Variants in NDUFAB1 observed in about 807,000 individuals in gnomAD.
The protein encoded by NDUFAB1 is acyl carrier protein, mitochondrial.
A neutral mutation model predicts 16.1 loss-of-function variants in NDUFAB1; 5 were observed. The ratio of observed to expected loss-of-function variants is 0.31; its 90% confidence interval spans 0.16 to 0.65. NDUFAB1 has a LOEUF of 0.65. Ranked by LOEUF, NDUFAB1 falls within the 30% of genes least tolerant of loss-of-function variation. The pLI is 0.77. For missense variants in NDUFAB1, 187 were observed against 205.3 expected (o/e 0.91, Z 0.54); for synonymous variants, 85 against 78.4 (o/e 1.08, Z -0.44).
chr16:23,586,482 C>A (rs113035256), intron 2 of NDUFAB1, among the ~76,000 whole-genome samples: 1,979 of 148,754 alleles, frequency 0.013, 19 homozygotes, highest in South Asian at 0.021. Context: ...TTACAGGTGT[C>A]TGCCACCACG....
chr16:23,586,882 A>G (rs535030353), intron 2 of NDUFAB1, among the ~76,000 whole-genome samples: 3 of 143,814 alleles, frequency 2.1e-5, no homozygotes, highest in Non-Finnish European at 4.6e-5. Flanking sequence ...TCCCGACCTC[A>G]GGTGATCCGC....
intron 3 of NDUFAB1, among the ~76,000 whole-genome samples, chr16:23,582,966 G>A (rs924351610): frequency 3.3e-5 from 5 of 152,352 alleles, no homozygotes; most frequent in South Asian, 2.1e-4. Context: ...GCAGGCACGC[G>A]CCGCCACGCC....
Position 23,587,314 on chromosome 16 carries a change from A to G in NDUFAB1, c.174T>C (p.Pro58=). 6.2e-7 allele frequency: 1 copy of G among 1,613,122 alleles called. No homozygotes were observed. The highest frequency in any genetic ancestry group is 8.5e-7 in the Non-Finnish European group (1 of 1,179,672). ...GGCGGCACAACTGTGTAACTCTACCAGGAACCTAGAGCGACGGCAGGAAGG... is the reference window on the plus strand; with the variant it reads ...GGCGGCACAACTGTGTAACTCTACCGGGAACCTAGAGCGACGGCAGGAAGG... ...LQPALVLAQV[P]GRVTQLCRQY... The change falls in exon 2 of 5, where the codon CCT becomes CCC. Residue 58 remains proline, a synonymous_variant. Coordinates refer to ENST00000007516, the MANE Select transcript of NDUFAB1 (RefSeq NM_005003.3).
chr16:23,588,468 G>C (rs376562046), intron 1 of NDUFAB1, among the ~76,000 whole-genome samples: 3 of 151,838 alleles, frequency 2.0e-5, no homozygotes, highest in Admixed American at 1.3e-4. Context: ...AAAAGAAAAA[G>C]AAAGAAATCC....
chr16:23,593,957 T>C (rs767156139), intron 1 of NDUFAB1, among the ~76,000 whole-genome samples: 1 of 152,050 alleles, frequency 6.6e-6, no homozygotes, highest in Non-Finnish European at 1.5e-5. Flanking sequence ...CTCGGCTCAC[T>C]GAAAGCTCTG....
intron 1 of NDUFAB1, chr16:23,590,857 G>A (rs1375400421): frequency 2.0e-5 from 3 of 152,048 alleles, no homozygotes; most frequent in African/African-American, 4.8e-5. Context: ...GGCTGGTCCT[G>A]AACTCCTGGT....
intron 1 of NDUFAB1, among the ~76,000 whole-genome samples, chr16:23,589,452 G>A (rs955526248): frequency 2.0e-5 from 3 of 152,172 alleles, no homozygotes; most frequent in African/African-American, 7.2e-5. Flanking sequence ...ATTATACATG[G>A]GTTAAGGAGA....
chr16:23,589,926 ACT>A (rs1292666134), intron 1 of NDUFAB1, among the ~76,000 whole-genome samples: 101 of 123,822 alleles, frequency 8.2e-4, no homozygotes, highest in African/African-American at 2.4e-3. Flanking sequence ...GCAGGGTGAG[ACT>A]CTGTCTCCAA....
chr16:23,596,168 G>A lies in NDUFAB1; in HGVS notation c.123C>T (p.Thr41=). 6.2e-7 allele frequency: 1 copy of A among 1,611,040 alleles called. No homozygotes were observed. Among genetic ancestry groups the A allele is most frequent in the Non-Finnish European group, 8.5e-7 (1 of 1,178,922 alleles). The change falls in exon 1 of 5, where the codon ACC becomes ACT. Residue 41 remains threonine, a synonymous_variant. Coordinates refer to ENST00000007516, the MANE Select transcript of NDUFAB1 (RefSeq NM_005003.3). ...PLSTALCSAG[T]QTRLGTLQPA... is the part of the protein sequence containing the mutation. ...GCTGCAAAGTCCCGAGCCTCGTCTGGGTCCCCGCGGAGCAGAGAGCGGTGC... is the reference window on the plus strand; with the variant it reads ...GCTGCAAAGTCCCGAGCCTCGTCTGAGTCCCCGCGGAGCAGAGAGCGGTGC...
intron 3 of NDUFAB1, among the ~76,000 whole-genome samples, chr16:23,584,841 C>A (rs557259522): frequency 9.1e-4 from 138 of 152,344 alleles, no homozygotes; most frequent in African/African-American, 3.2e-3. Context: ...AGCCATGGAA[C>A]CTTATAAAGG....
intron 1 of NDUFAB1, among the ~76,000 whole-genome samples, chr16:23,594,047 A>T (rs1966302144): frequency 1.3e-5 from 2 of 151,388 alleles, no homozygotes; most frequent in Admixed American, 1.3e-4. Flanking sequence ...CGCCCGGCTA[A>T]TTATTTTGTA....
rs1013903646 is a variant in NDUFAB1 at position 23,582,195 on chromosome 16, T to C, written c.*8+81A>G. 3.7e-6 allele frequency: 5 copies of C among 1,348,100 alleles called. No individual in the cohort carries two copies. The African/African-American group carries it at 7.6e-5, about 21-fold the overall frequency. The allele number at this position is 1,348,100 out of a possible 1,614,324, so 83.5% of individuals were successfully genotyped here. A position where few individuals can be genotyped will look rare whatever the true frequency, so the allele number is the denominator to read the frequency against. ...AAAAATCTTGGTCAAGCATTTCCAT[T>C]TTCTGTTTCTTCTTAAGTTTCCTTT... On this transcript the variant is annotated intron_variant, in intron 4 of 4. Coordinates refer to ENST00000007516, the MANE Select transcript of NDUFAB1 (RefSeq NM_005003.3).
chr16:23,584,272 A>AAAAAAAAAAAAAAAAAAAC, intron 3 of NDUFAB1, among the ~76,000 whole-genome samples: 1 of 140,182 alleles, frequency 7.1e-6, no homozygotes. Context: ...AAAAAAAAAA[A>AAAAAAAAAAAAAAAAAAAC]AAGAAACCCA....
At chr16:23,586,617 G>GCTAC (rs1966235563) in intron 2 of NDUFAB1, among the ~76,000 whole-genome samples, 1 of 151,850 alleles carries the variant, frequency 6.6e-6, no homozygotes, top group South Asian at 2.1e-4. Flanking sequence ...ACAGGCGTGA[G>GCTAC]CTACCACGCC....
At chr16:23,584,830 C>T (rs1172375432) in intron 3 of NDUFAB1, among the ~76,000 whole-genome samples, 1 of 152,246 alleles carries the variant, frequency 6.6e-6, no homozygotes, top group Non-Finnish European at 1.5e-5. Context: ...CACGCAGAAA[C>T]AGCCATGGAA....
intron 1 of NDUFAB1, chr16:23,595,487 G>A (rs1028907906): frequency 2.3e-6 from 1 of 435,518 alleles, no homozygotes; most frequent in African/African-American, 2.0e-5. Context: ...CCTTATACGC[G>A]GGGCGGCACA....
intron 3 of NDUFAB1, 149 bp from the exon 4 acceptor site, chr16:23,582,524 T>C (rs958372406): frequency 9.5e-7 from 1 of 1,057,284 alleles, no homozygotes; most frequent in Non-Finnish European, 1.3e-6. Flanking sequence ...AGTTAGCTTC[T>C]AGACAGTATG....
intron 1 of NDUFAB1, among the ~76,000 whole-genome samples, chr16:23,593,627 A>AC (rs1265994055): frequency 6.6e-6 from 1 of 152,186 alleles, no homozygotes; most frequent in Non-Finnish European, 1.5e-5. Flanking sequence ...TCCAAGGAAC[A>AC]CCCGCAGCAG....
chr16:23,584,611 C>T (rs148967494), intron 3 of NDUFAB1, among the ~76,000 whole-genome samples: 112 of 152,188 alleles, frequency 7.4e-4, no homozygotes, highest in Non-Finnish European at 1.2e-3. Context: ...CTACTATTAT[C>T]ACCCCCACTT....
Sources: allele counts gnomAD v4.1 joint callset (sites outside exome capture counted in the v4.1 genomes callset), GRCh38; gene constraint gnomAD v4.1.1; transcripts MANE v1.5; gene names NCBI Gene and HGNC (gene_info 2026-07-23, HGNC 2026-07-21).